The following ALG12 variants were observed in gnomAD, a reference collection of about 807,000 sequenced individuals.
ALG12 encodes dol-P-Man:Man(7)GlcNAc(2)-PP-Dol alpha-1,6-mannosyltransferase.
In ALG12, 36 loss-of-function variants were observed where a neutral mutation model predicts 46.0. The observed-to-expected ratio is 0.78, with a 90% CI of 0.60 to 1.03. ALG12 has a LOEUF of 1.03. ALG12 is among the 50% of genes least tolerant of loss of function. The probability of loss-of-function intolerance (pLI) is 0.00; values close to 1 mark genes in which losing one functional copy is unlikely to be tolerated. For missense variants in ALG12, 599 were observed against 633.5 expected (o/e 0.95, Z 0.58); for synonymous variants, 326 against 291.6 (o/e 1.12, Z -1.20).
At chr22:49,877,331 G>A in the ALG12 span, among the ~76,000 whole-genome samples, 3 of 151,032 alleles carry the variant, frequency 2.0e-5, no homozygotes, top group South Asian at 2.1e-4. Context: ...TTGCTCTGTC[G>A]CCCAGGCTGG....
the ALG12 span, among the ~76,000 whole-genome samples, chr22:49,867,316 G>T: frequency 1.3e-5 from 2 of 152,208 alleles, no homozygotes; most frequent in African/African-American, 2.4e-5. Context: ...CCAGCATGTG[G>T]TCTATACTGT....
At chr22:49,904,648 C>T in intron 7 of ALG12, 142 bp from the exon 8 acceptor site, 3 of 949,710 alleles carry the variant, frequency 3.2e-6, no homozygotes, top group Non-Finnish European at 4.9e-6. Context: ...AAAACAGAGT[C>T]AGTAACCCGT....
chr22:49,886,779 C>T, the ALG12 span: 1 of 1,612,482 alleles, frequency 6.2e-7, no homozygotes, highest in African/African-American at 1.3e-5. The surrounding 1 kb of genome is among the most constrained non-coding windows in gnomAD (Gnocchi z 7.7). Flanking sequence ...TGAATTCTAC[C>T]TCAGAGGACG....
chr22:49,909,668 C>A (rs903865118), intron 5 of ALG12, among the ~76,000 whole-genome samples: 2 of 152,256 alleles, frequency 1.3e-5, no homozygotes, highest in Non-Finnish European at 2.9e-5. Flanking sequence ...TGGCCTCCCC[C>A]AGCCCAAGGA....
At chr22:49,884,065 A>G in the ALG12 span, 1 of 1,605,960 alleles carries the variant, frequency 6.2e-7, no homozygotes, top group Non-Finnish European at 8.5e-7. Context: ...CACTAAAGCA[A>G]TATGCATGTA....
the ALG12 span, among the ~76,000 whole-genome samples, chr22:49,879,055 G>A: frequency 5.3e-5 from 8 of 150,590 alleles, no homozygotes; most frequent in Non-Finnish European, 1.0e-4. Flanking sequence ...TGAGGCAGGA[G>A]AATCACTTGA....
chr22:49,910,898 C>G (rs1041484515), intron 3 of ALG12, among the ~76,000 whole-genome samples: 2 of 152,228 alleles, frequency 1.3e-5, no homozygotes, highest in African/African-American at 2.4e-5. Context: ...GAGCTGAGCC[C>G]TACACTAAAC....
chr22:49,902,713 CACTGTGTGT>C lies in ALG12; in HGVS notation c.*1116_*1124del. ...TGTATGCATAGTGTGTGCACGTGTG[CACTGTGTGT>C]GGATGCATGGTAATGTGCACGTGTG... On this transcript the variant is annotated 3_prime_UTR_variant, in exon 10 of 10. Coordinates refer to ENST00000330817, the MANE Select transcript of ALG12 (RefSeq NM_024105.4). The C allele has an allele frequency of 9.5e-6, 1 of 105,140 alleles. No homozygotes were observed. The highest frequency in any genetic ancestry group is 4.1e-5 in the African/African-American group (1 of 24,174). 6.5% of individuals were successfully genotyped at this position (105,140 alleles called of 1,614,324 possible).
intron 1 of ALG12, among the ~76,000 whole-genome samples, chr22:49,914,517 A>G (rs1194943157): frequency 6.6e-6 from 1 of 152,210 alleles, no homozygotes; most frequent in Admixed American, 6.5e-5. Flanking sequence ...GGGTCCCCCA[A>G]ACACTAACAG....
chr22:49,887,170 C>T, the ALG12 span: 1 of 1,609,208 alleles, frequency 6.2e-7, no homozygotes, highest in South Asian at 1.1e-5. Context: ...AATATACTTT[C>T]AGTATTGAAA....
In ALG12 at chr22:49,909,146, G is replaced by A. The variant is rs1035481658; in HGVS notation, c.768+98C>T. 6.3e-6 allele frequency: 8 copies of A among 1,275,040 alleles called. No homozygotes were observed. The Admixed American group carries it at 1.3e-4, about 22-fold the overall frequency. The allele number at this position is 1,275,040 out of a possible 1,614,324, so 79.0% of individuals were successfully genotyped here. ...ATCCTGACCCTGCAGCCACGCTGCAGAGAAGGGAGAAGCAGCTGCTTCCAC... is the reference window on the plus strand; with the variant it reads ...ATCCTGACCCTGCAGCCACGCTGCAAAGAAGGGAGAAGCAGCTGCTTCCAC... On this transcript the variant is annotated intron_variant, in intron 6 of 9. Coordinates refer to ENST00000330817, the MANE Select transcript of ALG12 (RefSeq NM_024105.4).
chr22:49,889,076 T>G, the ALG12 span: 1 of 167,350 alleles, frequency 6.0e-6, no homozygotes. Flanking sequence ...TGTAGCAGAA[T>G]TGTATCCACT....
chr22:49,888,055 T>A, the ALG12 span: 2 of 167,214 alleles, frequency 1.2e-5, no homozygotes, highest in Admixed American at 6.5e-5. Context: ...TTGTGTAAAA[T>A]TTTTTTAGAA....
Position 49,909,883 on chromosome 22 carries a change from G to A in ALG12, c.664+11C>T, listed in dbSNP as rs1601823391. On this transcript the variant is annotated intron_variant, in intron 5 of 9. Transcript: ENST00000330817. ...AATCCAGTTAGAAGCATCCCACAGTGACTGACTTACCTAAACAGAGGATCC... is the reference window on the plus strand; with the variant it reads ...AATCCAGTTAGAAGCATCCCACAGTAACTGACTTACCTAAACAGAGGATCC... 5 of 1,614,078 alleles carry A rather than the reference G, an allele frequency of 3.1e-6. No individual in the cohort carries two copies. Among genetic ancestry groups the A allele is most frequent in the African/African-American group, 1.3e-5 (1 of 75,078 alleles).
chr22:49,911,090 C>G (rs1458602710), intron 3 of ALG12, among the ~76,000 whole-genome samples: 4 of 152,228 alleles, frequency 2.6e-5, no homozygotes, highest in Non-Finnish European at 5.9e-5. Context: ...GGCTGGTGGT[C>G]TGATGAGGAG....
At chr22:49,885,201 G>C in the ALG12 span, 2 of 1,613,936 alleles carry the variant, frequency 1.2e-6, no homozygotes, top group African/African-American at 2.7e-5. Context: ...GGAGCCAGAA[G>C]GGCTTCCTGG....
At chr22:49,877,620 T>C in the ALG12 span, among the ~76,000 whole-genome samples, 5 of 152,094 alleles carry the variant, frequency 3.3e-5, no homozygotes, top group Non-Finnish European at 7.4e-5. Flanking sequence ...TGGGTATAAT[T>C]GATATACAAT....
chr22:49,887,017 G>A, the ALG12 span: 29 of 1,613,998 alleles, frequency 1.8e-5, no homozygotes, highest in East Asian at 6.7e-5. Flanking sequence ...CGCGCTGGCC[G>A]TCAGATTTTT....
chr22:49,884,515 A>G, the ALG12 span: 1 of 1,614,188 alleles, frequency 6.2e-7, no homozygotes, highest in Non-Finnish European at 8.5e-7. Flanking sequence ...CTCTGGGTCC[A>G]GGAGAAGGTC....
Sources: gnomAD v4.1 joint callset for allele counts (sites outside exome capture counted in the v4.1 genomes callset) on GRCh38, gnomAD v4.1.1 for gene constraint, Gnocchi (gnomAD v3.1) non-coding constraint, MANE v1.5 for transcripts, NCBI Gene and HGNC (gene_info 2026-07-23, HGNC 2026-07-21) for gene names.